MTA3: variants seen among roughly 807,000 people sequenced by gnomAD.
The protein encoded by MTA3 is metastasis-associated protein MTA3.
MTA3 carries 34 observed loss-of-function variants against 83.5 expected under a neutral mutation model. The observed-to-expected ratio is 0.41, with a 90% CI of 0.31 to 0.54. The LOEUF (loss-of-function observed/expected upper bound fraction) is 0.54. MTA3 is among the 20% of genes least tolerant of loss of function. MTA3 has a pLI of 0.33. For synonymous variants in MTA3, 303 were observed against 252.7 expected, an observed-to-expected ratio of 1.20 and a Z score of -1.89; for missense variants, 761 against 726.4, an observed-to-expected ratio of 1.05 and a Z score of -0.55.
Position 42,656,309 on chromosome 2 carries a change from A to T in MTA3, c.602+7A>T, listed in dbSNP as rs777426507. On this transcript the variant is annotated splice_region_variant and intron_variant, in intron 7 of 16. Transcript: ENST00000405094. ...AGTTTTTAGTTGTAGCACGGTGAGT[A>T]TGAGTATGGCATTATTGAGTCAATA... 13 of 1,585,880 alleles carry T rather than the reference A, an allele frequency of 8.2e-6. No homozygotes were observed. In the East Asian group the frequency reaches 2.9e-4, roughly 35 times the overall value.
chr2:42,677,380 T>A (rs1329522213), intron 8 of MTA3, among the ~76,000 whole-genome samples: 2 of 152,180 alleles, frequency 1.3e-5, no homozygotes, highest in South Asian at 2.1e-4. Flanking sequence ...TCTCGCTCTG[T>A]CACCCAGGCT....
At chr2:42,535,127 C>T (rs2103731887) in intron 2 of MTA3, among the ~76,000 whole-genome samples, 1 of 152,148 alleles carries the variant, frequency 6.6e-6, no homozygotes, top group East Asian at 1.9e-4. Flanking sequence ...TGGCTCACGC[C>T]TGTAATCCCA....
chr2:42,517,098 A>G (rs1164885483), intron 2 of MTA3, among the ~76,000 whole-genome samples: 1 of 151,862 alleles, frequency 6.6e-6, no homozygotes, highest in Non-Finnish European at 1.5e-5. Flanking sequence ...CATCTCTACT[A>G]AAAATACAAA....
chr2:42,578,864 T>C (rs1679319726), intron 2 of MTA3, among the ~76,000 whole-genome samples: 1 of 152,232 alleles, frequency 6.6e-6, no homozygotes, highest in Non-Finnish European at 1.5e-5. Flanking sequence ...TAAAGCAGTC[T>C]AATCAGTTTA....
chr2:42,626,915 A>G (rs1686159747), intron 4 of MTA3, among the ~76,000 whole-genome samples: 1 of 151,176 alleles, frequency 6.6e-6, no homozygotes, highest in African/African-American at 2.4e-5. Context: ...TAATTTTTGT[A>G]TTTGTAGTAG....
At chr2:42,539,605 A>T (rs1676430362) in intron 2 of MTA3, among the ~76,000 whole-genome samples, 1 of 128,014 alleles carries the variant, frequency 7.8e-6, no homozygotes, top group Non-Finnish European at 1.6e-5. Context: ...TTTTTGAGAC[A>T]GGGTCTTGCT....
intron 9 of MTA3, among the ~76,000 whole-genome samples, chr2:42,693,739 C>T (rs1297707196): frequency 6.6e-6 from 1 of 152,348 alleles, no homozygotes; most frequent in East Asian, 1.9e-4. Context: ...CTTATTCCTC[C>T]ACCCCACTGT....
At chr2:42,581,304 A>T (rs996790727) in intron 3 of MTA3, among the ~76,000 whole-genome samples, 5 of 149,062 alleles carry the variant, frequency 3.4e-5, no homozygotes, top group African/African-American at 1.2e-4. Flanking sequence ...GCCTCAAGGG[A>T]TCCTCACAAA....
intron 6 of MTA3, among the ~76,000 whole-genome samples, chr2:42,645,636 A>G (rs1052062807): frequency 6.6e-6 from 1 of 152,244 alleles, no homozygotes; most frequent in Non-Finnish European, 1.5e-5. Context: ...ACCACCAAGA[A>G]CATTCCTTTA....
At chr2:42,640,341 A>T in intron 5 of MTA3, 105 bp downstream of exon 5, 2 of 775,554 alleles carry the variant, frequency 2.6e-6, no homozygotes, top group South Asian at 3.5e-5. Flanking sequence ...TTCCACCATT[A>T]TATTAATAGC....
chr2:42,525,489 T>TCCTC (rs796503585), intron 2 of MTA3, among the ~76,000 whole-genome samples: 3 of 146,018 alleles, frequency 2.1e-5, no homozygotes, highest in African/African-American at 7.8e-5. Flanking sequence ...CTTCCTTCCT[T>TCCTC]CCTTCCTTCC....
At chr2:42,739,819 C>T (rs1019647833) in intron 16 of MTA3, among the ~76,000 whole-genome samples, 1 of 152,188 alleles carries the variant, frequency 6.6e-6, no homozygotes, top group Non-Finnish European at 1.5e-5. Context: ...GGAGTAGTTT[C>T]CATCTTAAGA....
At chr2:42,556,532 A>T (rs1352693685) in intron 2 of MTA3, among the ~76,000 whole-genome samples, 1 of 152,158 alleles carries the variant, frequency 6.6e-6, no homozygotes, top group Non-Finnish European at 1.5e-5. Context: ...ATCATAAATA[A>T]TGCATCCGAT....
chr2:42,591,969 G>C (rs1359349622), intron 3 of MTA3, among the ~76,000 whole-genome samples: 1 of 149,156 alleles, frequency 6.7e-6, no homozygotes, highest in African/African-American at 2.5e-5. Context: ...TTCCTATTAA[G>C]AAAAATTCAT....
rs114899291 is a variant in MTA3, at chr2:42,620,006, T to C, written c.317+10422T>C. Among the ~76,000 whole-genome samples the C allele has an allele frequency of 7.1e-3, 1,086 of 152,318 alleles. 10 individuals are homozygous for C. The highest frequency in any genetic ancestry group is 0.013 in the Non-Finnish European group (874 of 68,036). The stretch of plus-strand genomic sequence containing the variant: ...AATAAATTTTGGCCCTTCTTTATAA[T>C]TGAGGTGAAATTCATATAACATCAG... On this transcript the variant is annotated intron_variant, in intron 4 of 16. Coordinates refer to ENST00000405094, the MANE Select transcript of MTA3 (RefSeq NM_001330442.2).
chr2:42,527,933 C>G (rs779981441), intron 2 of MTA3, among the ~76,000 whole-genome samples: 27 of 151,658 alleles, frequency 1.8e-4, no homozygotes, highest in Non-Finnish European at 3.4e-4. Flanking sequence ...TTTTTCTTTT[C>G]TTTTTTGAGA....
chr2:42,641,207 G>C (rs544015635), intron 5 of MTA3, among the ~76,000 whole-genome samples: 2 of 147,066 alleles, frequency 1.4e-5, no homozygotes, highest in South Asian at 4.2e-4. Flanking sequence ...GTGCCTGGCC[G>C]GTTTTTTTTT....
intron 8 of MTA3, among the ~76,000 whole-genome samples, chr2:42,664,500 A>G (rs541128707): frequency 3.9e-4 from 31 of 79,650 alleles, no homozygotes; most frequent in African/African-American, 1.6e-3. Context: ...TTTTTGAGAC[A>G]GTTTGCTCTG....
At position 42,581,895 on chromosome 2, in the gene MTA3, A is replaced by C. The variant is rs553026726; in HGVS notation, c.190+2695A>C. The C allele has an allele frequency of 1.9e-3, 328 of 174,454 alleles. 2 individuals carry two copies. In the Middle Eastern group the frequency reaches 0.021, roughly 11 times the overall value. The allele number at this position is 174,454 out of a possible 1,614,324, so 10.8% of individuals were successfully genotyped here. On this transcript the variant is annotated intron_variant, in intron 3 of 16. Transcript: ENST00000405094. ...ATTCTCCTGCCTCAGCCTCCTGAGTAGCTGGGATTACAGGCATGTGCCACT... is the reference window on the plus strand; with the variant it reads ...ATTCTCCTGCCTCAGCCTCCTGAGTCGCTGGGATTACAGGCATGTGCCACT...
Sources: allele counts gnomAD v4.1 joint callset (sites outside exome capture counted in the v4.1 genomes callset), GRCh38; gene constraint gnomAD v4.1.1; transcripts MANE v1.5; gene names NCBI Gene and HGNC (gene_info 2026-07-23, HGNC 2026-07-21).